The following GAS2L1 variants were observed in gnomAD, a reference collection of about 807,000 sequenced individuals.
GAS2L1 encodes the protein growth arrest specific 2 like 1.
Under a neutral mutation model 44.0 loss-of-function variants are expected in GAS2L1, and 26 were observed. That is an observed-to-expected ratio of 0.59 (90% CI 0.43 to 0.82). The LOEUF is 0.82. Ranked by LOEUF, GAS2L1 falls within the 40% of genes least tolerant of loss-of-function variation. The probability of loss-of-function intolerance (pLI) is 0.00; values close to 1 mark genes in which losing one functional copy is unlikely to be tolerated. For missense variants in GAS2L1, 1,006 were observed against 983.0 expected (o/e 1.02, Z -0.31); for synonymous variants, 426 against 415.9 (o/e 1.02, Z -0.30).
At chr22:29,310,261 AAAAAAAT>A (rs1569140090) in intron 1 of GAS2L1, 171 bp from the exon 3 acceptor site, 20 of 384,566 alleles carry the variant, frequency 5.2e-5, no homozygotes, top group African/African-American at 4.3e-4. Context: ...AAAAAAATAA[AAAAAAAT>A]AAAAAAAATA....
chr22:29,312,372 G>A (rs991564560), exon 5 of GAS2L1: 2 of 1,602,750 alleles, frequency 1.2e-6, no homozygotes, highest in African/African-American at 2.7e-5. Flanking sequence ...CACACAGCCA[G>A]ACCGTAAACC....
At chr22:29,309,763 A>C (rs2061383912) in intron 1 of GAS2L1, among the ~76,000 whole-genome samples, 1 of 152,084 alleles carries the variant, frequency 6.6e-6, no homozygotes, top group South Asian at 2.1e-4. Flanking sequence ...TGTGTCCTGT[A>C]GCCTGCCTGG....
Position 29,312,413 on chromosome 22 carries a change from C to G in GAS2L1, c.1962C>G (p.Arg654=), listed in dbSNP as rs756978529. Residue 654 remains arginine (R), a synonymous_variant, in exon 5 of 5, where the codon CGC becomes CGG. Coordinates refer to ENST00000618518, the Ensembl canonical transcript of GAS2L1. The stretch of plus-strand genomic sequence containing the variant: ...GTATCCCCACGCCTCGGGGCCCCCG[C>G]CGCCCCTCCGGACCCGCAGAGCTGG... 16 of 1,561,714 alleles carry G rather than the reference C, an allele frequency of 1.0e-5. No homozygotes were observed. In the African/African-American group the frequency reaches 1.8e-4, roughly 17 times the overall value.
At chr22:29,308,355 G>T (rs753551617) in exon 1 of GAS2L1, 2 of 1,605,380 alleles carry the variant, frequency 1.2e-6, no homozygotes, top group Non-Finnish European at 8.5e-7. Flanking sequence ...CCCGGCCCGA[G>T]GTGTGGCCTT....
intron 1 of GAS2L1, among the ~76,000 whole-genome samples, chr22:29,309,056 G>A (rs1285391391): frequency 1.3e-5 from 2 of 152,222 alleles, no homozygotes; most frequent in African/African-American, 2.4e-5. Flanking sequence ...CTGGGGGGCC[G>A]CATGATCGGG....
chr22:29,310,726 C>T, exon 3 of GAS2L1: 3 of 1,609,010 alleles, frequency 1.9e-6, no homozygotes, highest in South Asian at 1.1e-5. Flanking sequence ...TGCCGCTGCT[C>T]CTCCACTGGT....
At chr22:29,311,869 A>C (rs746982473) in exon 5 of GAS2L1, 6 of 1,596,464 alleles carry the variant, frequency 3.8e-6, no homozygotes, top group Non-Finnish European at 5.1e-6. Flanking sequence ...AGCACCCCCC[A>C]GACTCCCCGT....
intron 1 of GAS2L1, among the ~76,000 whole-genome samples, chr22:29,309,792 CCTT>C (rs1486248076): frequency 1.3e-5 from 2 of 149,994 alleles, no homozygotes; most frequent in African/African-American, 5.1e-5. Flanking sequence ...TGGGCCCCAG[CCTT>C]CTTGTCTGAG....
At chr22:29,308,034 C>G (rs1419351460) in exon 1 of GAS2L1, 2 of 1,316,136 alleles carry the variant, frequency 1.5e-6, no homozygotes, top group African/African-American at 1.5e-5. Context: ...TTAATTTGTA[C>G]TGAGCGCTTA....
At position 29,308,173 on chromosome 22, in the gene GAS2L1, A is replaced by G. The variant is rs367657616; in HGVS notation, c.68A>G (p.Glu23Gly). Residue 23 changes from glutamate (E) to glycine (G), a missense_variant, in exon 1 of 5, where the codon GAG (glutamate) becomes GGG (glycine). Physicochemically the swap from Glu to Gly is moderately conservative, Grantham distance 98. Coordinates refer to ENST00000618518, the Ensembl canonical transcript of GAS2L1. The stretch of plus-strand genomic sequence containing the variant: ...AGCGTGCGGCCATTTCGCTCCAGTG[A>G]GGCCTACGTGGAGGCCATGAAGGAG... 5 of 1,598,362 alleles carry G rather than the reference A, an allele frequency of 3.1e-6. No individual in the cohort carries two copies. In the African/African-American group the frequency reaches 6.7e-5, roughly 21 times the overall value.
At chr22:29,310,872 G>A (rs1207318900) in exon 4 of GAS2L1, 4 of 1,613,092 alleles carry the variant, frequency 2.5e-6, no homozygotes, top group South Asian at 1.1e-5. Context: ...TCTCCACAGA[G>A]GGTGTCGCCC....
At chr22:29,308,379 G>A (rs1185785479) in exon 1 of GAS2L1, 6 of 1,609,476 alleles carry the variant, frequency 3.7e-6, no homozygotes, top group Admixed American at 1.7e-5. Flanking sequence ...GGCGCACAGT[G>A]TAGTGCCTGG....
Position 29,312,342 on chromosome 22 carries a change from T to C in GAS2L1, c.1891T>C (p.Trp631Arg), listed in dbSNP as rs750633135. The C allele has an allele frequency of 8.1e-6, 13 of 1,604,520 alleles. No homozygotes were observed. The South Asian group carries it at 1.4e-4, about 18-fold the overall frequency. ...GGCTTGCACTGAACCCTCGAGGACCTGGGCACGGGGTCGGATGGACACACA... is the reference window on the plus strand; with the variant it reads ...GGCTTGCACTGAACCCTCGAGGACCCGGGCACGGGGTCGGATGGACACACA... The change falls in exon 5 of 5, where the codon TGG (tryptophan) becomes CGG (arginine). Residue 631 changes from tryptophan (W) to arginine (R), a missense_variant. Coordinates refer to ENST00000618518, the Ensembl canonical transcript of GAS2L1.
chr22:29,312,659 G>A (rs2061423920), exon 5 of GAS2L1: 1 of 463,380 alleles, frequency 2.2e-6, no homozygotes. Context: ...TGTACATTCC[G>A]GTTGGGGGAT....
intron 1 of GAS2L1, among the ~76,000 whole-genome samples, chr22:29,310,007 A>T (rs969986094): frequency 6.6e-6 from 1 of 152,110 alleles, no homozygotes; most frequent in African/African-American, 2.4e-5. Context: ...TCGCACCTGT[A>T]ATCCAGCAAT....
upstream of GAS2L1, chr22:29,306,970 G>A (rs2061354886): frequency 6.6e-6 from 1 of 152,188 alleles, no homozygotes; most frequent in South Asian, 2.1e-4. Context: ...AAGAGCGCGC[G>A]GCCCCGCCCG....
At chr22:29,311,514 A>G in exon 5 of GAS2L1, 3 of 1,533,742 alleles carry the variant, frequency 2.0e-6, no homozygotes, top group Non-Finnish European at 8.8e-7. Context: ...CTCCGGGGAC[A>G]GTGACTCCTC....
chr22:29,310,242 C>CAAAAAA (rs1400782855), intron 1 of GAS2L1, 197 bp from the exon 3 acceptor site: 1 of 178,462 alleles, frequency 5.6e-6, no homozygotes, highest in African/African-American at 4.4e-5. Context: ...AACTCCAACT[C>CAAAAAA]AAAAAAAAAA....
intron 4 of GAS2L1, 145 bp from the exon 6 acceptor site, chr22:29,311,317 C>G: frequency 1.7e-6 from 1 of 588,954 alleles, no homozygotes. Flanking sequence ...AAGCTGCTCA[C>G]TTCTCCCTGG....
Sources: gnomAD v4.1 joint callset for allele counts (sites outside exome capture counted in the v4.1 genomes callset) on GRCh38, gnomAD v4.1.1 for gene constraint, MANE v1.5 for transcripts, NCBI Gene and HGNC (gene_info 2026-07-23, HGNC 2026-07-21) for gene names.